GPC5: variants seen among roughly 807,000 people sequenced by gnomAD.
The protein encoded by GPC5 is glypican-5.
In GPC5, 47 loss-of-function variants were observed where a neutral mutation model predicts 53.9. That is an observed-to-expected ratio of 0.87 (90% CI 0.69 to 1.11). The LOEUF is 1.11. GPC5 is among the 50% of genes most tolerant of loss of function. GPC5 has a pLI of 0.00. For synonymous variants in GPC5, 286 were observed against 263.3 expected (o/e 1.09, Z -0.84); for missense variants, 748 against 713.1 (o/e 1.05, Z -0.56).
At chr13:91,708,539 T>C (rs898626352) in intron 3 of GPC5, among the ~76,000 whole-genome samples, 2 of 151,824 alleles carry the variant, frequency 1.3e-5, no homozygotes, top group Non-Finnish European at 2.9e-5. Flanking sequence ...GACTGGGGAG[T>C]TACTGCTAAG....
At chr13:91,800,434 T>C (rs781719514) in intron 5 of GPC5, among the ~76,000 whole-genome samples, 1 of 150,596 alleles carries the variant, frequency 6.6e-6, no homozygotes, top group Non-Finnish European at 1.5e-5. Flanking sequence ...AGTAAACATA[T>C]GTCACTCAAA....
rs888680686 is a variant in GPC5 at position 92,059,850 on chromosome 13, C to T, written c.1402-84980C>T. 1.3e-5 allele frequency: 2 copies of T among 151,638 alleles called. 1 individual carries two copies. Among genetic ancestry groups the T allele is most frequent in the African/African-American group, 4.9e-5 (2 of 41,204 alleles). The allele number at this position is 151,638 out of a possible 1,614,324, so 9.4% of individuals were successfully genotyped here. A position where few individuals can be genotyped will look rare whatever the true frequency, so the allele number is the denominator to read the frequency against. On this transcript the variant is annotated intron_variant, in intron 6 of 7. Transcript: ENST00000377067. Reference sequence around the variant, plus strand: ...GTGAAGTTCACATAAGTTAACCATCCTTTCCTTGGGGTTGCGCTGCTGTCC... The same window carrying T: ...GTGAAGTTCACATAAGTTAACCATCTTTTCCTTGGGGTTGCGCTGCTGTCC...
At chr13:92,288,908 G>A (rs538722786) in intron 7 of GPC5, among the ~76,000 whole-genome samples, 2 of 152,164 alleles carry the variant, frequency 1.3e-5, no homozygotes, top group East Asian at 3.9e-4. Context: ...TTATTTAGAG[G>A]AAATTTCTCT....
At chr13:92,718,945 A>G (rs1413372869) in intron 7 of GPC5, among the ~76,000 whole-genome samples, 4 of 151,996 alleles carry the variant, frequency 2.6e-5, no homozygotes, top group African/African-American at 9.7e-5. Context: ...GAATGTTTGT[A>G]ACACAAAGGA....
intron 2 of GPC5, among the ~76,000 whole-genome samples, chr13:91,570,912 T>C (rs10047784): frequency 2.6e-5 from 4 of 152,198 alleles, no homozygotes; most frequent in African/African-American, 9.6e-5. Flanking sequence ...GAAAAGTACA[T>C]AACTCTTTAA....
At chr13:92,779,125 A>C (rs1376844072) in intron 7 of GPC5, among the ~76,000 whole-genome samples, 1 of 152,178 alleles carries the variant, frequency 6.6e-6, no homozygotes, top group East Asian at 1.9e-4. Flanking sequence ...GAGGCCTCAC[A>C]ATCACAGCAG....
chr13:92,427,286 A>G (rs1876877997), intron 7 of GPC5, among the ~76,000 whole-genome samples: 2 of 149,560 alleles, frequency 1.3e-5, no homozygotes, highest in South Asian at 2.2e-4. Flanking sequence ...CTCCTCTACA[A>G]GTTTGGTCTC....
At chr13:92,536,454 G>C (rs1243804158) in intron 7 of GPC5, among the ~76,000 whole-genome samples, 1 of 152,130 alleles carries the variant, frequency 6.6e-6, no homozygotes, top group African/African-American at 2.4e-5. Context: ...AATATTCAGA[G>C]ATAGGCCCTC....
chr13:91,838,126 T>C (rs538062780), intron 5 of GPC5, among the ~76,000 whole-genome samples: 30 of 152,152 alleles, frequency 2.0e-4, no homozygotes, highest in Admixed American at 7.2e-4. Flanking sequence ...CAGTGGATAC[T>C]TCAAAAGAAA....
At chr13:92,744,431 G>A (rs1383033519) in intron 7 of GPC5, among the ~76,000 whole-genome samples, 1 of 151,698 alleles carries the variant, frequency 6.6e-6, no homozygotes, top group African/African-American at 2.4e-5. Flanking sequence ...TGAAGATTAT[G>A]GAATTGATAT....
At chr13:92,284,736 G>T (rs2042941446) in intron 7 of GPC5, among the ~76,000 whole-genome samples, 1 of 152,096 alleles carries the variant, frequency 6.6e-6, no homozygotes, top group Admixed American at 6.6e-5. Context: ...TTGATGAGAA[G>T]TATCTCAAAA....
intron 3 of GPC5, among the ~76,000 whole-genome samples, chr13:91,715,119 G>GAGGC (rs1164267230): frequency 6.6e-6 from 1 of 152,214 alleles, no homozygotes; most frequent in Non-Finnish European, 1.5e-5. Context: ...GCTGTGGAAA[G>GAGGC]AGGCAGCAGC....
chr13:91,490,566 A>C (rs1257879460), intron 2 of GPC5, among the ~76,000 whole-genome samples: 1 of 152,210 alleles, frequency 6.6e-6, no homozygotes, highest in Non-Finnish European at 1.5e-5. Context: ...CAATATGGCA[A>C]GCTAATGATA....
intron 3 of GPC5, among the ~76,000 whole-genome samples, chr13:91,697,656 C>G (rs968552360): frequency 2.0e-5 from 3 of 151,688 alleles, no homozygotes; most frequent in African/African-American, 4.8e-5. Context: ...ATAGATTACC[C>G]TCTTGTTAAT....
At chr13:91,438,544 G>A (rs75870264) in intron 1 of GPC5, among the ~76,000 whole-genome samples, 1,988 of 152,248 alleles carry the variant, frequency 0.013, 49 homozygotes, top group African/African-American at 0.046. Flanking sequence ...AGGAGTACCC[G>A]GACTTGTGAG....
At chr13:91,501,944 G>A (rs1884661288) in intron 2 of GPC5, among the ~76,000 whole-genome samples, 1 of 152,220 alleles carries the variant, frequency 6.6e-6, no homozygotes, top group Non-Finnish European at 1.5e-5. Context: ...CATTTTAACT[G>A]GTGTGAGATG....
intron 2 of GPC5, among the ~76,000 whole-genome samples, chr13:91,692,270 A>G (rs1024117180): frequency 6.6e-6 from 1 of 152,180 alleles, no homozygotes; most frequent in African/African-American, 2.4e-5. Context: ...AAATAGTAGC[A>G]CTCATGGGTT....
intron 7 of GPC5, among the ~76,000 whole-genome samples, chr13:92,527,164 GA>G (rs1445636575): frequency 1.3e-4 from 14 of 109,496 alleles, no homozygotes; most frequent in Admixed American, 5.1e-4. Flanking sequence ...AAGAAAGAAA[GA>G]AAGAAAGAGA....
At chr13:91,412,408 A>G (rs550773518) in intron 1 of GPC5, among the ~76,000 whole-genome samples, 1 of 152,350 alleles carries the variant, frequency 6.6e-6, no homozygotes, top group Admixed American at 6.5e-5. Flanking sequence ...ATTTGAATAC[A>G]TAACTTCTGT....
Sources: gnomAD v4.1 joint callset for allele counts (sites outside exome capture counted in the v4.1 genomes callset) on GRCh38, gnomAD v4.1.1 for gene constraint, MANE v1.5 for transcripts, NCBI Gene and HGNC (gene_info 2026-07-23, HGNC 2026-07-21) for gene names.